The following EXOC6B variants were observed in gnomAD, a reference collection of about 807,000 sequenced individuals.
EXOC6B encodes exocyst complex component 6B, also known as SEC15 homolog B.
A neutral mutation model predicts 113.5 loss-of-function variants in EXOC6B; 54 were observed. That is an observed-to-expected ratio of 0.48 (90% CI 0.38 to 0.60). EXOC6B has a LOEUF of 0.60. Among genes scored for constraint, EXOC6B ranks in the 20% least tolerant of loss-of-function variants. The pLI, the probability that EXOC6B is intolerant of heterozygous loss-of-function variation, is 0.00. For synonymous variants in EXOC6B, 357 were observed against 339.0 expected (o/e 1.05, Z -0.58); for missense variants, 797 against 977.5 (o/e 0.82, Z 2.46).
chr2:72,553,660 G>A lies in EXOC6B; in HGVS notation c.915+5793C>T, dbSNP rs1468410838. ...CACTAAGTGACATACAGATTATGTA[G>A]TAGATGGAATTGATAAAACTGAATT... On this transcript the variant is annotated intron_variant, in intron 8 of 21. Coordinates refer to ENST00000272427, the MANE Select transcript of EXOC6B (RefSeq NM_015189.3). Among the ~76,000 whole-genome samples the A allele has an allele frequency of 4.6e-5, 7 of 152,016 alleles. 1 individual carries two copies. Among genetic ancestry groups the A allele is most frequent in the Admixed American group, 4.6e-4 (7 of 15,266 alleles).
At chr2:72,772,833 T>TC (rs1683478611) in intron 1 of EXOC6B, among the ~76,000 whole-genome samples, 1 of 152,084 alleles carries the variant, frequency 6.6e-6, no homozygotes, top group African/African-American at 2.4e-5. Flanking sequence ...ACCTACATCT[T>TC]CAAATGCACA....
At position 72,283,153 on chromosome 2, in the gene EXOC6B, AGCCAAAAG is replaced by A. The variant is rs1343697795; in HGVS notation, c.2196+51786_2196+51793del. 2.0e-5 allele frequency among the ~76,000 whole-genome samples: 3 copies of A among 152,108 alleles called. No homozygotes were observed. In the East Asian group the frequency reaches 5.8e-4, roughly 29 times the overall value. On this transcript the variant is annotated intron_variant, in intron 20 of 21. Coordinates refer to ENST00000272427, the MANE Select transcript of EXOC6B (RefSeq NM_015189.3). ...ATTTACCAAAATATACCATATGCTA[AGCCAAAAG>A]GTTGAACAATCTTCAAACGACTAGG...
At chr2:72,580,373 C>T (rs1337959767) in intron 6 of EXOC6B, among the ~76,000 whole-genome samples, 2 of 151,836 alleles carry the variant, frequency 1.3e-5, no homozygotes, top group Non-Finnish European at 2.9e-5. Context: ...GAACTCCTGA[C>T]CTCAAATGAT....
In EXOC6B at chr2:72,805,430, C is replaced by T. The variant is rs11893904; in HGVS notation, c.113+20368G>A. Among the ~76,000 whole-genome samples, 545 of 152,180 alleles carry T rather than the reference C, an allele frequency of 3.6e-3. 8 individuals are homozygous for T. Among genetic ancestry groups the T allele is most frequent in the African/African-American group, 0.013 (532 of 41,512 alleles). The stretch of plus-strand genomic sequence containing the variant: ...TTATACACTGCCAGAACTTTGTATA[C>T]TAAAAGAGGCTACTTTCTTTTTCTT... On this transcript the variant is annotated intron_variant, in intron 1 of 21. Coordinates refer to ENST00000272427, the MANE Select transcript of EXOC6B (RefSeq NM_015189.3).
chr2:72,273,270 T>C (rs1684609195), intron 20 of EXOC6B, among the ~76,000 whole-genome samples: 1 of 152,206 alleles, frequency 6.6e-6, no homozygotes, highest in African/African-American at 2.4e-5. Flanking sequence ...GACTTCCTTT[T>C]AATTCTATTT....
intron 16 of EXOC6B, among the ~76,000 whole-genome samples, chr2:72,483,363 A>G (rs1317536149): frequency 6.6e-6 from 1 of 152,224 alleles, no homozygotes; most frequent in Non-Finnish European, 1.5e-5. Context: ...CTGCCAATCA[A>G]AAGAAATCCT....
In EXOC6B at chr2:72,496,519, T is replaced by C. The variant is rs1210016237; in HGVS notation, c.1378A>G (p.Thr460Ala). The C allele has an allele frequency of 1.9e-6, 3 of 1,600,086 alleles. No homozygotes were observed. The highest frequency in any genetic ancestry group is 2.7e-5 in the African/African-American group (2 of 74,822). ...ACCTTTTTGTACATCTCTTCACTTG[T>C]TACTGGTATAGGACTGTAGTTGTCA... ...DSDNYSPIPV[T>A]SEEMYKKVVG... Residue 460 changes from threonine (T) to alanine (A), a missense_variant, in exon 14 of 22, where the codon ACA (threonine) becomes GCA (alanine). By Grantham distance (58) the Thr-to-Ala change is moderately conservative. Coordinates refer to ENST00000272427, the MANE Select transcript of EXOC6B (RefSeq NM_015189.3).
intron 6 of EXOC6B, among the ~76,000 whole-genome samples, chr2:72,691,618 G>A (rs575545507): frequency 2.0e-5 from 3 of 150,904 alleles, no homozygotes; most frequent in Admixed American, 1.3e-4. Context: ...TAACAGGAAC[G>A]CTTATAAAAA....
At chr2:72,803,092 T>C (rs1257391826) in intron 1 of EXOC6B, among the ~76,000 whole-genome samples, 1 of 152,192 alleles carries the variant, frequency 6.6e-6, no homozygotes, top group Non-Finnish European at 1.5e-5. Context: ...TAGATCCTGC[T>C]TGCTGATAAA....
At chr2:72,797,750 G>A (rs1346354550) in intron 1 of EXOC6B, among the ~76,000 whole-genome samples, 2 of 152,138 alleles carry the variant, frequency 1.3e-5, no homozygotes, top group Non-Finnish European at 2.9e-5. Flanking sequence ...GGAGGCGGAG[G>A]TTGTAAGCTG....
chr2:72,796,604 T>G (rs1454526781), intron 1 of EXOC6B, among the ~76,000 whole-genome samples: 1 of 152,236 alleles, frequency 6.6e-6, no homozygotes, highest in African/African-American at 2.4e-5. Context: ...TAATTCATTT[T>G]TTAACAAATG....
intron 20 of EXOC6B, among the ~76,000 whole-genome samples, chr2:72,222,894 G>A (rs1680964719): frequency 6.6e-6 from 1 of 152,192 alleles, no homozygotes; most frequent in East Asian, 1.9e-4. Flanking sequence ...AGGTGAGGCT[G>A]ACGGCTAAGG....
intron 20 of EXOC6B, among the ~76,000 whole-genome samples, chr2:72,260,620 C>T (rs973860646): frequency 1.7e-4 from 26 of 152,118 alleles, no homozygotes; most frequent in Non-Finnish European, 2.8e-4. Flanking sequence ...AAGACTCCGG[C>T]AAGGGGAGTG....
intron 18 of EXOC6B, among the ~76,000 whole-genome samples, chr2:72,385,172 A>G (rs1229755758): frequency 6.6e-6 from 1 of 152,192 alleles, no homozygotes; most frequent in African/African-American, 2.4e-5. Flanking sequence ...TACACAGACC[A>G]ATGGAACAGA....
intron 15 of EXOC6B, among the ~76,000 whole-genome samples, chr2:72,493,330 C>CG (rs1366799028): frequency 7.3e-6 from 1 of 137,912 alleles, no homozygotes; most frequent in African/African-American, 2.8e-5. Context: ...CCCCCCCCCC[C>CG]CCCCGCATTT....
intron 20 of EXOC6B, chr2:72,263,244 T>C (rs1683850246): frequency 6.6e-6 from 1 of 152,256 alleles, no homozygotes; most frequent in Non-Finnish European, 1.5e-5. Flanking sequence ...TGTTTCTGTA[T>C]GGTCAGCTGT....
chr2:72,732,457 T>C (rs1680704541), intron 3 of EXOC6B, among the ~76,000 whole-genome samples: 1 of 152,148 alleles, frequency 6.6e-6, no homozygotes, highest in African/African-American at 2.4e-5. Context: ...TCTCAGCCAC[T>C]GTGCCTGGTT....
rs139911677 is a variant in EXOC6B, at chr2:72,277,353, C to T, written c.2196+57594G>A. The stretch of plus-strand genomic sequence containing the variant: ...ACACCTATCAGCTCAGTCCTTCAAC[C>T]TTCCTCCATTCCCCCAACTTCTACC... On this transcript the variant is annotated intron_variant, in intron 20 of 21. Coordinates refer to ENST00000272427, the MANE Select transcript of EXOC6B (RefSeq NM_015189.3). 4.6e-3 allele frequency among the ~76,000 whole-genome samples: 698 copies of T among 152,226 alleles called. 3 individuals carry two copies. Among genetic ancestry groups the T allele is most frequent in the African/African-American group, 0.016 (663 of 41,542 alleles).
chr2:72,633,862 A>G (rs1360355251), intron 6 of EXOC6B, among the ~76,000 whole-genome samples: 1 of 152,218 alleles, frequency 6.6e-6, no homozygotes, highest in African/African-American at 2.4e-5. Context: ...ATTTTGCATA[A>G]GATATTGCAA....
Sources: allele counts gnomAD v4.1 joint callset (sites outside exome capture counted in the v4.1 genomes callset), GRCh38; gene constraint gnomAD v4.1.1; transcripts MANE v1.5; gene names NCBI Gene and HGNC (gene_info 2026-07-23, HGNC 2026-07-21).